The following GALNT18 variants were observed in gnomAD, a reference collection of about 807,000 sequenced individuals.
GALNT18 encodes GalNAc-transferase 18.
GALNT18 carries 44 observed loss-of-function variants against 69.5 expected under a neutral mutation model. The ratio of observed to expected loss-of-function variants is 0.63; its 90% CI spans 0.50 to 0.81. The LOEUF (loss-of-function observed/expected upper bound fraction) is 0.81, where lower values mean the gene tolerates loss of function less well. Ranked by LOEUF, GALNT18 falls within the 40% of genes least tolerant of loss-of-function variation. The probability of loss-of-function intolerance (pLI) is 0.00; values close to 1 mark genes in which losing one functional copy is unlikely to be tolerated. For synonymous variants in GALNT18, 364 were observed against 318.2 expected, an observed-to-expected ratio of 1.14 and a Z score of -1.53; for missense variants, 715 against 810.0, an observed-to-expected ratio of 0.88 and a Z score of 1.42.
At chr11:11,307,950 G>A (rs1849606208) in intron 9 of GALNT18, among the ~76,000 whole-genome samples, 1 of 152,222 alleles carries the variant, frequency 6.6e-6, no homozygotes. Context: ...TTTGTCCTGA[G>A]CACAAAAGCT....
At chr11:11,279,746 T>G (rs1849028573) in intron 10 of GALNT18, among the ~76,000 whole-genome samples, 2 of 152,142 alleles carry the variant, frequency 1.3e-5, no homozygotes, top group South Asian at 4.1e-4. Context: ...AAGAAGGGAC[T>G]GGGAAGGTGA....
chr11:11,496,701 G>A lies in GALNT18; in HGVS notation c.236-47765C>T, dbSNP rs926853018. ...AAGCTGATGGGAAACACTGAGCCTC[G>A]GTTTCCTTGTGAGGATCCCCCACTA... is the stretch of plus-strand genomic sequence containing the variant. On this transcript the variant is annotated intron_variant, in intron 1 of 10. Transcript: ENST00000227756. The surrounding 1 kb of genome is among the most constrained non-coding windows in gnomAD (Gnocchi z 4.0). Among the ~76,000 whole-genome samples, 3 of 150,950 alleles carry A rather than the reference G, an allele frequency of 2.0e-5. No homozygotes were observed. Among genetic ancestry groups the A allele is most frequent in the Admixed American group, 6.6e-5 (1 of 15,114 alleles).
chr11:11,614,771 T>C lies in GALNT18; in HGVS notation c.235+6588A>G, dbSNP rs1006527727. Among the ~76,000 whole-genome samples the C allele has an allele frequency of 2.6e-5, 4 of 152,242 alleles. No individual in the cohort carries two copies. The highest frequency in any genetic ancestry group is 5.9e-5 in the Non-Finnish European group (4 of 68,048). On this transcript the variant is annotated intron_variant, in intron 1 of 10. Transcript: ENST00000227756. This position sits in a 1 kb window ranked among gnomAD's most constrained non-coding sequence, Gnocchi z 5.6. ...AATGACAAAACCAGACGTGGCTCTC[T>C]GACACTTTTCATTCTGAATTCTCCT...
chr11:11,594,848 T>TATATACATACAC (rs1488821833), intron 1 of GALNT18, among the ~76,000 whole-genome samples: 1 of 114,290 alleles, frequency 8.7e-6, no homozygotes, highest in Non-Finnish European at 1.8e-5. Flanking sequence ...TATACACATA[T>TATATACATACAC]ACATACATAC....
intron 6 of GALNT18, among the ~76,000 whole-genome samples, chr11:11,363,081 G>A (rs555457980): frequency 6.6e-6 from 1 of 152,208 alleles, no homozygotes; most frequent in East Asian, 1.9e-4. Context: ...TAAGAAAGGG[G>A]ACCTGCGAAT....
rs746474917 is a variant in GALNT18 at position 11,461,856 on chromosome 11, A to G, written c.236-12920T>C. 7.9e-5 allele frequency among the ~76,000 whole-genome samples: 12 copies of G among 152,204 alleles called. No individual in the cohort carries two copies. Among genetic ancestry groups the G allele is most frequent in the Non-Finnish European group, 1.5e-4 (10 of 68,044 alleles). On this transcript the variant is annotated intron_variant, in intron 1 of 10. Coordinates refer to ENST00000227756, the MANE Select transcript of GALNT18 (RefSeq NM_198516.3). The surrounding 1 kb of genome is among the most constrained non-coding windows in gnomAD (Gnocchi z 4.1). Reference sequence around the variant, plus strand: ...TGACTCCTTTCAAGGCTCTGCTACAAGAGTCCTTGCTTTGGGAAACCTGCA... The same window carrying G: ...TGACTCCTTTCAAGGCTCTGCTACAGGAGTCCTTGCTTTGGGAAACCTGCA...
At chr11:11,272,657 C>T (rs1479812919) in intron 10 of GALNT18, among the ~76,000 whole-genome samples, 3 of 152,244 alleles carry the variant, frequency 2.0e-5, no homozygotes, top group Non-Finnish European at 4.4e-5. Flanking sequence ...CTTCCCCATG[C>T]TCCCATGACA....
rs977846590 is a variant in GALNT18 at position 11,389,425 on chromosome 11, CT to C, written c.596-10162del. Among the ~76,000 whole-genome samples, 1 of 152,202 alleles carries C rather than the reference CT, an allele frequency of 6.6e-6. No homozygotes were observed. Among genetic ancestry groups the C allele is most frequent in the African/African-American group, 2.4e-5 (1 of 41,454 alleles). ...CTAAATGACCTTGGCAAAGGGCCACCTCGCCTTTGTACTTCCTGGGGCTGTG... is the reference window on the plus strand; with the variant it reads ...CTAAATGACCTTGGCAAAGGGCCACCCGCCTTTGTACTTCCTGGGGCTGTG... On this transcript the variant is annotated intron_variant, in intron 3 of 10. Transcript: ENST00000227756. This position sits in a 1 kb window ranked among gnomAD's most constrained non-coding sequence, Gnocchi z 4.3.
Position 11,379,253 on chromosome 11 carries a change from C to T in GALNT18, c.607G>A (p.Glu203Lys), listed in dbSNP as rs1223899644. 1.2e-6 allele frequency: 2 copies of T among 1,612,184 alleles called. No homozygotes were observed. The highest frequency in any genetic ancestry group is 1.3e-5 in the African/African-American group (1 of 74,848). ...DDNSSNEELK[E>K]KLTEYVDKVN... ...TTGTCCACATATTCGGTCAGCTTCT[C>T]CTTCAGTTCCTCTGTCAGGGAGAAA... Residue 203 changes from glutamate (E) to lysine (K), a missense_variant, in exon 4 of 11, where the codon GAG becomes AAG. By Grantham distance (56) the Glu-to-Lys change is moderately conservative (BLOSUM62 1). Coordinates refer to ENST00000227756, the MANE Select transcript of GALNT18 (RefSeq NM_198516.3).
chr11:11,472,520 G>A (rs777590281), intron 1 of GALNT18, among the ~76,000 whole-genome samples: 31 of 152,168 alleles, frequency 2.0e-4, no homozygotes, highest in Non-Finnish European at 4.1e-4. Flanking sequence ...TATTCATTCT[G>A]TAATAAGAAA....
intron 1 of GALNT18, among the ~76,000 whole-genome samples, chr11:11,517,431 A>T (rs2133922514): frequency 6.6e-6 from 1 of 152,344 alleles, no homozygotes; most frequent in Non-Finnish European, 1.5e-5. Context: ...CCTCCTGGGA[A>T]AAAATAAAGA....
At chr11:11,495,259 A>G (rs1189044921) in intron 1 of GALNT18, among the ~76,000 whole-genome samples, 1 of 152,144 alleles carries the variant, frequency 6.6e-6, no homozygotes, top group Non-Finnish European at 1.5e-5. Context: ...CATGGTGTAT[A>G]CAGGAATGTT....
At chr11:11,369,888 T>A (rs564591626) in intron 6 of GALNT18, among the ~76,000 whole-genome samples, 1 of 152,204 alleles carries the variant, frequency 6.6e-6, no homozygotes, top group African/African-American at 2.4e-5. Context: ...AAGTAGAAGA[T>A]AATTACTGCA....
At chr11:11,319,387 C>T (rs1482510649) in intron 9 of GALNT18, among the ~76,000 whole-genome samples, 1 of 152,178 alleles carries the variant, frequency 6.6e-6, no homozygotes, top group African/African-American at 2.4e-5. Flanking sequence ...CAGAATATAG[C>T]TTCACAAGGA....
chr11:11,273,731 A>T (rs1848875363), intron 10 of GALNT18, among the ~76,000 whole-genome samples: 2 of 152,164 alleles, frequency 1.3e-5, no homozygotes, highest in Admixed American at 6.5e-5. Flanking sequence ...TATTGAAGAG[A>T]TATCTGCACT....
At chr11:11,359,093 C>T (rs1031656623) in intron 6 of GALNT18, among the ~76,000 whole-genome samples, 1 of 140,258 alleles carries the variant, frequency 7.1e-6, no homozygotes. Context: ...CCCCAGACCC[C>T]CTTCTCCTCA....
chr11:11,393,021 TGAA>T (rs1854231784), intron 3 of GALNT18, among the ~76,000 whole-genome samples: 1 of 152,202 alleles, frequency 6.6e-6, no homozygotes, highest in East Asian at 1.9e-4. Context: ...AGGGGGTCAC[TGAA>T]ACCAACAGTA....
At chr11:11,328,961 C>T (rs1849973764) in intron 8 of GALNT18, among the ~76,000 whole-genome samples, 1 of 152,112 alleles carries the variant, frequency 6.6e-6, no homozygotes, top group Admixed American at 6.5e-5. Context: ...TGATAAAGTC[C>T]TCCCTGGCTC....
At position 11,300,294 on chromosome 11, in the gene GALNT18, A is replaced by T. The variant is rs4396283; in HGVS notation, c.1513-7101T>A. On this transcript the variant is annotated intron_variant, in intron 9 of 10. Coordinates refer to ENST00000227756, the MANE Select transcript of GALNT18 (RefSeq NM_198516.3). The stretch of plus-strand genomic sequence containing the variant: ...CCCTGCTGAGCCTCCTGCATGGGGC[A>T]GCAGTGATCGTCTTTGGCTGAAACT... 4.3e-3 allele frequency among the ~76,000 whole-genome samples: 660 copies of T among 152,274 alleles called. 12 individuals carry two copies. The highest frequency in any genetic ancestry group is 0.033 in the Admixed American group (510 of 15,284).
Sources: gnomAD v4.1 joint callset for allele counts (sites outside exome capture counted in the v4.1 genomes callset) on GRCh38, gnomAD v4.1.1 for gene constraint, Gnocchi (gnomAD v3.1) non-coding constraint, MANE v1.5 for transcripts, NCBI Gene and HGNC (gene_info 2026-07-23, HGNC 2026-07-21) for gene names.